The following HECW1 variants were observed in gnomAD, a reference collection of about 807,000 sequenced individuals.
The protein encoded by HECW1 is HECT, C2 and WW domain containing E3 ubiquitin protein ligase 1.
Under a neutral mutation model 182.3 loss-of-function variants are expected in HECW1, and 61 were observed. The ratio of observed to expected loss-of-function variants is 0.33; its 90% CI spans 0.27 to 0.41. The LOEUF (loss-of-function observed/expected upper bound fraction) is 0.41, where lower values mean the gene tolerates loss of function less well. Among genes scored for constraint, HECW1 ranks in the 10% least tolerant of loss-of-function variants. The probability of loss-of-function intolerance (pLI) is 1.00; values close to 1 mark genes in which losing one functional copy is unlikely to be tolerated. For synonymous variants in HECW1, 859 were observed against 832.6 expected, an observed-to-expected ratio of 1.03 and a Z score of -0.55; for missense variants, 1,739 against 2,108.9, an observed-to-expected ratio of 0.82 and a Z score of 3.44.
intron 16 of HECW1, among the ~76,000 whole-genome samples, chr7:43,473,185 C>T (rs952432423): frequency 1.7e-4 from 26 of 152,342 alleles, no homozygotes; most frequent in African/African-American, 6.0e-4. Flanking sequence ...CATCTCTTAC[C>T]ATGAAATCTC....
chr7:43,127,684 G>T (rs1045819930), intron 2 of HECW1, among the ~76,000 whole-genome samples: 1 of 152,130 alleles, frequency 6.6e-6, no homozygotes, highest in African/African-American at 2.4e-5. Flanking sequence ...TTCTATGAAG[G>T]CTGAGAGACA....
At chr7:43,139,558 T>C (rs1787936207) in intron 2 of HECW1, among the ~76,000 whole-genome samples, 3 of 152,230 alleles carry the variant, frequency 2.0e-5, no homozygotes, top group African/African-American at 7.2e-5. Context: ...AGCATTGTTT[T>C]AACAAGGCGT....
At chr7:43,342,370 C>T (rs1429009935) in intron 5 of HECW1, among the ~76,000 whole-genome samples, 1 of 151,720 alleles carries the variant, frequency 6.6e-6, no homozygotes, top group African/African-American at 2.4e-5. Context: ...CCATTTAATT[C>T]ATAAAAAGAA....
At chr7:43,289,423 T>C (rs1166102976) in intron 3 of HECW1, among the ~76,000 whole-genome samples, 2 of 152,226 alleles carry the variant, frequency 1.3e-5, no homozygotes, top group Non-Finnish European at 2.9e-5. Context: ...TTTCTAATGC[T>C]GTCCCTACAT....
At chr7:43,532,809 A>G (rs2081045568) in intron 24 of HECW1, among the ~76,000 whole-genome samples, 1 of 152,124 alleles carries the variant, frequency 6.6e-6, no homozygotes, top group African/African-American at 2.4e-5. Flanking sequence ...GGAGTTTAAG[A>G]TGATATTTGG....
At chr7:43,257,643 A>C (rs1800718628) in intron 3 of HECW1, among the ~76,000 whole-genome samples, 4 of 152,176 alleles carry the variant, frequency 2.6e-5, no homozygotes, top group Admixed American at 2.6e-4. Context: ...TAATGTTAAC[A>C]CTATTAATTA....
intron 3 of HECW1, among the ~76,000 whole-genome samples, chr7:43,254,784 C>G (rs1800392554): frequency 6.9e-6 from 1 of 145,388 alleles, no homozygotes; most frequent in South Asian, 2.1e-4. Flanking sequence ...GATGGCTACT[C>G]TCTACTTTTG....
At position 43,246,561 on chromosome 7, in the gene HECW1, C is replaced by G. The variant is rs370731457; in HGVS notation, c.27+2629C>G. Among the ~76,000 whole-genome samples, 312 of 152,280 alleles carry G rather than the reference C, an allele frequency of 2.0e-3. 2 individuals are homozygous for G. Among genetic ancestry groups the G allele is most frequent in the African/African-American group, 7.3e-3 (304 of 41,546 alleles). ...GGTATGCACTCCTGGTTGAGAAACA[C>G]TAGCTAGACCTGACGGGAACTAAGC... On this transcript the variant is annotated intron_variant, in intron 3 of 29. Coordinates refer to ENST00000395891, the MANE Select transcript of HECW1 (RefSeq NM_015052.5).
chr7:43,159,145 A>T (rs57442970), intron 2 of HECW1, among the ~76,000 whole-genome samples: 8,226 of 150,176 alleles, frequency 0.055, 746 homozygotes, highest in African/African-American at 0.19. Flanking sequence ...TTTAAAGAGG[A>T]ATTTTTTATT....
At chr7:43,195,205 AAG>A (rs1172658836) in intron 2 of HECW1, among the ~76,000 whole-genome samples, 20 of 152,232 alleles carry the variant, frequency 1.3e-4, no homozygotes, top group African/African-American at 4.8e-4. Context: ...CCCAAGAAAA[AAG>A]AAAGAAGTGT....
At chr7:43,408,705 A>G (rs1053953545) in intron 8 of HECW1, among the ~76,000 whole-genome samples, 2 of 152,140 alleles carry the variant, frequency 1.3e-5, no homozygotes, top group African/African-American at 4.8e-5. Context: ...AAGAAAAAAG[A>G]AAGTCATCAC....
intron 2 of HECW1, among the ~76,000 whole-genome samples, chr7:43,163,900 G>A (rs1011014084): frequency 6.6e-6 from 1 of 152,176 alleles, no homozygotes; most frequent in African/African-American, 2.4e-5. Context: ...GGAAGTCATT[G>A]TCCTGTTCTG....
Position 43,476,205 on chromosome 7 carries a change from AAAT to A in HECW1, c.3100-3399_3100-3397del, listed in dbSNP as rs150181700. Reference sequence around the variant, plus strand: ...ATGAGCAGACAAAAAGTAAATACACAAATAATAACTTTCCTGAGTACCAGCAAT... The same window carrying A: ...ATGAGCAGACAAAAAGTAAATACACAAATAACTTTCCTGAGTACCAGCAAT... On this transcript the variant is annotated intron_variant, in intron 16 of 29. Coordinates refer to ENST00000395891, the MANE Select transcript of HECW1 (RefSeq NM_015052.5). Among the ~76,000 whole-genome samples the A allele has an allele frequency of 4.2e-3, 645 of 152,340 alleles. 1 individual carries two copies. Among genetic ancestry groups the A allele is most frequent in the Non-Finnish European group, 7.3e-3 (497 of 68,020 alleles).
chr7:43,180,912 C>A (rs1792790607), intron 2 of HECW1, among the ~76,000 whole-genome samples: 1 of 152,246 alleles, frequency 6.6e-6, no homozygotes, highest in South Asian at 2.1e-4. Flanking sequence ...ACCATAGTCA[C>A]CCTACTGTGC....
intron 6 of HECW1, among the ~76,000 whole-genome samples, chr7:43,368,508 C>T (rs1328019167): frequency 6.6e-6 from 1 of 152,148 alleles, no homozygotes; most frequent in East Asian, 1.9e-4. Flanking sequence ...GCTTTTTGGG[C>T]AAGGCATCAG....
intron 3 of HECW1, among the ~76,000 whole-genome samples, chr7:43,296,161 A>T (rs747844003): frequency 1.3e-5 from 2 of 152,224 alleles, no homozygotes; most frequent in Non-Finnish European, 2.9e-5. Context: ...TTAACCATTT[A>T]AAAAAGCAGA....
At chr7:43,400,102 G>T (rs13438437) in intron 7 of HECW1, among the ~76,000 whole-genome samples, 22,647 of 151,990 alleles carry the variant, frequency 0.15, 1,815 homozygotes, top group South Asian at 0.24. Context: ...CAGCCATGGT[G>T]GCATGTACCT....
chr7:43,307,876 C>CTATA (rs71008900), intron 3 of HECW1, among the ~76,000 whole-genome samples: 13 of 127,604 alleles, frequency 1.0e-4, no homozygotes, highest in African/African-American at 3.0e-4. Flanking sequence ...AATCATTTCA[C>CTATA]TATATATATA....
chr7:43,195,503 C>T (rs17709491), intron 2 of HECW1, among the ~76,000 whole-genome samples: 50,284 of 151,930 alleles, frequency 0.33, 9,243 homozygotes, highest in Non-Finnish European at 0.41. Context: ...TTGGTAGCCA[C>T]GCCTCTTATG....
Sources: gnomAD v4.1 joint callset for allele counts (sites outside exome capture counted in the v4.1 genomes callset) on GRCh38, gnomAD v4.1.1 for gene constraint, MANE v1.5 for transcripts, NCBI Gene and HGNC (gene_info 2026-07-23, HGNC 2026-07-21) for gene names.